GRAP2: variants seen among roughly 807,000 people sequenced by gnomAD.
The protein encoded by GRAP2 is GRB2 related adaptor protein 2, also known as GRB2-related adapter protein 2.
Under a neutral mutation model 43.5 loss-of-function variants are expected in GRAP2, and 31 were observed. The ratio of observed to expected loss-of-function variants is 0.71; its 90% CI spans 0.54 to 0.96. GRAP2 has a LOEUF of 0.96. GRAP2 is among the 40% of genes least tolerant of loss of function. The pLI is 0.00. For missense variants in GRAP2, 371 were observed against 424.4 expected (o/e 0.87, Z 1.11); for synonymous variants, 156 against 164.8 (o/e 0.95, Z 0.41).
chr22:39,939,579 A>AAG (rs1404784423), intron 1 of GRAP2, among the ~76,000 whole-genome samples: 8 of 149,348 alleles, frequency 5.4e-5, no homozygotes, highest in African/African-American at 1.5e-4. Context: ...AAAAAAAAAA[A>AAG]AAAGAAATGG....
chr22:39,963,995 G>A (rs780554948), intron 4 of GRAP2: 26 of 170,402 alleles, frequency 1.5e-4, no homozygotes, highest in Non-Finnish European at 2.6e-4. Flanking sequence ...CAGCCTGGGC[G>A]ACAGAGCGAG....
intron 2 of GRAP2, among the ~76,000 whole-genome samples, chr22:39,953,776 A>G (rs1016607444): frequency 6.6e-6 from 1 of 152,068 alleles, no homozygotes; most frequent in Non-Finnish European, 1.5e-5. Flanking sequence ...ACGCCTTGCT[A>G]AGTTTTATTT....
intron 1 of GRAP2, among the ~76,000 whole-genome samples, chr22:39,921,153 T>C (rs1294800949): frequency 6.6e-6 from 1 of 152,202 alleles, no homozygotes; most frequent in Non-Finnish European, 1.5e-5. Flanking sequence ...CTGACATCTA[T>C]GTCAGCCTCT....
intron 1 of GRAP2, among the ~76,000 whole-genome samples, chr22:39,932,292 T>G (rs2066763272): frequency 6.6e-6 from 1 of 152,184 alleles, no homozygotes; most frequent in Non-Finnish European, 1.5e-5. Flanking sequence ...AAAATTAACT[T>G]TAGCTGGGCA....
chr22:39,938,308 A>C (rs2066828160), intron 1 of GRAP2, among the ~76,000 whole-genome samples: 3 of 152,244 alleles, frequency 2.0e-5, no homozygotes, highest in Admixed American at 2.0e-4. Context: ...GCAGAACAGC[A>C]ATTTGATTAA....
intron 1 of GRAP2, among the ~76,000 whole-genome samples, chr22:39,935,169 T>G (rs771946210): frequency 1.3e-4 from 20 of 152,222 alleles, no homozygotes; most frequent in Non-Finnish European, 2.6e-4. Context: ...TTTGTGATTC[T>G]CATTTTCTGT....
chr22:39,964,713 T>TG (rs1470939385), intron 4 of GRAP2: 2 of 347,472 alleles, frequency 5.8e-6, no homozygotes, highest in Non-Finnish European at 9.7e-6. Context: ...AATAAACTTT[T>TG]GTAAAAAAAA....
intron 6 of GRAP2, 74 bp downstream of exon 6, chr22:39,968,346 C>G (rs1278601932): frequency 6.5e-7 from 1 of 1,542,562 alleles, no homozygotes; most frequent in African/African-American, 1.4e-5. Flanking sequence ...CTGGCCCAGC[C>G]TCTTGAGTTC....
At chr22:39,894,006 A>G in the GRAP2 span, 1 of 151,704 alleles carries the variant, frequency 6.6e-6, no homozygotes, top group Non-Finnish European at 1.5e-5. Context: ...AGACACTAGC[A>G]TTTATTCTTA....
intron 4 of GRAP2, among the ~76,000 whole-genome samples, chr22:39,961,401 A>C (rs1336833628): frequency 6.6e-6 from 1 of 152,194 alleles, no homozygotes; most frequent in African/African-American, 2.4e-5. Flanking sequence ...CAGCATGCCA[A>C]GGGGTGTCGT....
rs138713668 is a variant in GRAP2 at position 39,960,065 on chromosome 22, G to A, written c.181G>A (p.Glu61Lys). 8.1e-6 allele frequency: 13 copies of A among 1,613,564 alleles called. No individual in the cohort carries two copies. The highest frequency in any genetic ancestry group is 1.6e-4 in the Middle Eastern group (1 of 6,062). Residue 61 changes from glutamate (E) to lysine (K), a missense_variant, in exon 4 of 8, where the codon GAA (glutamate) becomes AAA (lysine). Glu to Lys is a moderately conservative substitution (Grantham distance 56). Transcript: ENST00000344138. ...IDIQFPKWFH[E>K]GLSRHQAENL... is the part of the protein sequence containing the mutation. ...ATCTCGCCCCCACAGATGGTTTCAC[G>A]AAGGCCTCTCTCGACACCAGGCAGA... is the stretch of plus-strand genomic sequence containing the variant.
At chr22:39,934,165 G>T (rs956288772) in intron 1 of GRAP2, among the ~76,000 whole-genome samples, 7 of 152,098 alleles carry the variant, frequency 4.6e-5, no homozygotes, top group African/African-American at 1.7e-4. Context: ...TATAAGAAAA[G>T]GGCCACAGGC....
chr22:39,966,281 A>T, intron 5 of GRAP2, 123 bp downstream of exon 5: 3 of 728,742 alleles, frequency 4.1e-6, no homozygotes, highest in Non-Finnish European at 6.8e-6. Context: ...GACAGAGCTC[A>T]GAGCTCTGAG....
rs1294353138 is a variant in GRAP2 at position 39,901,456 on chromosome 22, C to T, written c.-15+126C>T. 4 of 392,948 alleles carry T rather than the reference C, an allele frequency of 1.0e-5. No homozygotes were observed. In the East Asian group the frequency reaches 2.9e-4, roughly 29 times the overall value. The allele number at this position is 392,948 out of a possible 1,614,324, so 24.3% of individuals were successfully genotyped here. ...AGTTCTCTAAATATTGCTTTTAAGT[C>T]CCATCAGCTAAGGTCTCTAAACCTT... On this transcript the variant is annotated intron_variant, in intron 1 of 7. Transcript: ENST00000344138.
intron 4 of GRAP2, chr22:39,964,504 A>G: frequency 9.7e-7 from 1 of 1,029,380 alleles, no homozygotes; most frequent in Non-Finnish European, 1.5e-6. Flanking sequence ...CGAGGTGCTA[A>G]AAGCGAAGGT....
intron 1 of GRAP2, among the ~76,000 whole-genome samples, chr22:39,926,424 C>T (rs970695732): frequency 6.7e-6 from 1 of 150,372 alleles, no homozygotes; most frequent in Non-Finnish European, 1.5e-5. Flanking sequence ...CCAGATGTCC[C>T]TGAAATTTAC....
intron 1 of GRAP2, among the ~76,000 whole-genome samples, chr22:39,908,487 A>G (rs2066537839): frequency 1.3e-5 from 2 of 152,168 alleles, no homozygotes; most frequent in Non-Finnish European, 2.9e-5. Flanking sequence ...AATAATGCTG[A>G]TGGGCTTATT....
intron 4 of GRAP2, chr22:39,960,602 G>T (rs2067109240): frequency 1.8e-5 from 3 of 163,358 alleles, no homozygotes; most frequent in Admixed American, 1.7e-4. Context: ...TTTTATGATT[G>T]ATGCATATCT....
At chr22:39,911,478 A>C (rs1241444948) in intron 1 of GRAP2, among the ~76,000 whole-genome samples, 5 of 151,560 alleles carry the variant, frequency 3.3e-5, no homozygotes, top group Non-Finnish European at 1.5e-5. Context: ...ACTTTTGGAA[A>C]CCTTTAAAAG....
Sources: allele counts gnomAD v4.1 joint callset (sites outside exome capture counted in the v4.1 genomes callset), GRCh38; gene constraint gnomAD v4.1.1; transcripts MANE v1.5; gene names NCBI Gene and HGNC (gene_info 2026-07-23, HGNC 2026-07-21).